Variants in SYN2 observed in about 807,000 individuals in gnomAD.
SYN2 encodes the protein synapsin-2.
A neutral mutation model predicts 50.9 loss-of-function variants in SYN2; 19 were observed. That is an observed-to-expected ratio of 0.37 (90% CI 0.26 to 0.55). The LOEUF is 0.55. Among genes scored for constraint, SYN2 ranks in the 20% least tolerant of loss-of-function variants. The pLI is 0.81. For synonymous variants in SYN2, 255 were observed against 224.9 expected (o/e 1.13, Z -1.20); for missense variants, 587 against 576.4 (o/e 1.02, Z -0.19).
At chr3:12,186,934 C>G (rs1341925582) in intron 11 of SYN2, among the ~76,000 whole-genome samples, 3 of 152,200 alleles carry the variant, frequency 2.0e-5, no homozygotes, top group Non-Finnish European at 2.9e-5. Context: ...CACTGGTAGA[C>G]TATTTCTGAG....
intron 1 of SYN2, among the ~76,000 whole-genome samples, chr3:12,021,931 G>A (rs892755501): frequency 6.6e-6 from 1 of 152,024 alleles, no homozygotes; most frequent in Admixed American, 6.6e-5. Context: ...TCAGCTGAGT[G>A]TGGTGGTGTG....
At chr3:12,152,555 GCCAGGTATATT>G (rs891875047) in intron 5 of SYN2, among the ~76,000 whole-genome samples, 1 of 152,080 alleles carries the variant, frequency 6.6e-6, no homozygotes, top group African/African-American at 2.4e-5. Context: ...TGCCTTAATT[GCCAGGTATATT>G]CCCTACCTAC....
At chr3:12,177,752 G>T (rs776431227) in intron 10 of SYN2, among the ~76,000 whole-genome samples, 15 of 152,180 alleles carry the variant, frequency 9.9e-5, no homozygotes, top group Non-Finnish European at 1.9e-4. Context: ...ACTATTCTGG[G>T]ACTGTCTTAA....
intron 1 of SYN2, among the ~76,000 whole-genome samples, chr3:12,106,074 T>C (rs1238364641): frequency 6.6e-6 from 1 of 152,200 alleles, no homozygotes; most frequent in African/African-American, 2.4e-5. Context: ...AAAATCTGTT[T>C]CCAAGCTCAT....
intron 1 of SYN2, among the ~76,000 whole-genome samples, chr3:12,065,031 C>T (rs567696019): frequency 2.0e-5 from 3 of 152,226 alleles, no homozygotes; most frequent in African/African-American, 7.2e-5. Flanking sequence ...TGTCGTTCAG[C>T]AGTAAAATGG....
chr3:12,099,975 G>GAAAAAAAAAAAAA (rs376887129), intron 1 of SYN2, among the ~76,000 whole-genome samples: 51 of 120,180 alleles, frequency 4.2e-4, no homozygotes, highest in African/African-American at 7.7e-4. Context: ...AAAAAAAAAA[G>GAAAAAAAAAAAAA]AAAAAAAAAA....
chr3:12,050,820 C>A (rs1315246406), intron 1 of SYN2, among the ~76,000 whole-genome samples: 3 of 140,044 alleles, frequency 2.1e-5, no homozygotes, highest in Admixed American at 7.7e-5. Context: ...ACTGCAAGCT[C>A]CGCTTCCCGG....
chr3:12,062,880 A>G (rs1037302163), intron 1 of SYN2, among the ~76,000 whole-genome samples: 2 of 152,068 alleles, frequency 1.3e-5, no homozygotes, highest in Non-Finnish European at 2.9e-5. Context: ...ACATCCAGAC[A>G]GTAGAATATT....
intron 1 of SYN2, among the ~76,000 whole-genome samples, chr3:12,074,833 A>G (rs1695435446): frequency 1.3e-5 from 2 of 152,006 alleles, no homozygotes; most frequent in African/African-American, 4.8e-5. Flanking sequence ...AGAGAGGGAA[A>G]ATTTTGTTCC....
At chr3:12,030,210 G>A (rs1377563274) in intron 1 of SYN2, among the ~76,000 whole-genome samples, 7 of 119,458 alleles carry the variant, frequency 5.9e-5, no homozygotes, top group South Asian at 3.5e-4. Flanking sequence ...AACCAGCCTC[G>A]CATCCCAGGG....
intron 1 of SYN2, among the ~76,000 whole-genome samples, chr3:12,113,142 C>T (rs1048671784): frequency 6.6e-6 from 1 of 152,088 alleles, no homozygotes; most frequent in African/African-American, 2.4e-5. Flanking sequence ...CTGTTCTGTG[C>T]TCTAGGGATA....
intron 1 of SYN2, among the ~76,000 whole-genome samples, chr3:12,122,969 C>T (rs1395933429): frequency 1.3e-5 from 2 of 151,892 alleles, no homozygotes; most frequent in Non-Finnish European, 2.9e-5. Context: ...AAAAGCATTG[C>T]CAATGGCCAT....
intron 1 of SYN2, among the ~76,000 whole-genome samples, 155 bp downstream of exon 1, chr3:12,005,083 C>T (rs1377792424): frequency 6.6e-6 from 1 of 151,962 alleles, no homozygotes; most frequent in African/African-American, 2.4e-5. Flanking sequence ...TGAGCGCGCG[C>T]GCGTTTGCGG....
intron 1 of SYN2, among the ~76,000 whole-genome samples, chr3:12,109,064 A>G (rs1038602142): frequency 2.6e-5 from 4 of 152,188 alleles, no homozygotes; most frequent in African/African-American, 7.2e-5. Context: ...TTCTCTTACC[A>G]GAAAGTACCA....
At chr3:12,151,070 G>A (rs763780112) in intron 4 of SYN2, among the ~76,000 whole-genome samples, 167 bp from the exon 5 acceptor site, 11 of 152,100 alleles carry the variant, frequency 7.2e-5, no homozygotes, top group East Asian at 1.9e-4. Context: ...CAACTAATGC[G>A]TATCATATCC....
intron 5 of SYN2, chr3:12,157,432 G>A: frequency 6.2e-7 from 1 of 1,614,116 alleles, no homozygotes; most frequent in South Asian, 1.1e-5. Context: ...GTGTCAGCAG[G>A]GTCTGCACTG....
intron 10 of SYN2, among the ~76,000 whole-genome samples, chr3:12,178,059 G>A (rs1257542053): frequency 1.3e-5 from 2 of 152,144 alleles, no homozygotes; most frequent in Non-Finnish European, 2.9e-5. Context: ...CAAAACATGC[G>A]GTCCCCTTTG....
intron 10 of SYN2, among the ~76,000 whole-genome samples, chr3:12,171,838 T>C (rs1324336486): frequency 6.6e-6 from 1 of 152,248 alleles, no homozygotes; most frequent in Non-Finnish European, 1.5e-5. Context: ...AGCAAAGAGA[T>C]AATTTATAGA....
chr3:12,190,398 G>A (rs1317458873), intron 12 of SYN2, 92 bp from the exon 13 acceptor site: 2 of 1,444,112 alleles, frequency 1.4e-6, no homozygotes, highest in African/African-American at 1.4e-5. Flanking sequence ...GGAGGGAGTG[G>A]GGGTTCTAGC....
Sources: allele counts gnomAD v4.1 joint callset (sites outside exome capture counted in the v4.1 genomes callset), GRCh38; gene constraint gnomAD v4.1.1; transcripts MANE v1.5; gene names NCBI Gene and HGNC (gene_info 2026-07-23, HGNC 2026-07-21).